SKAP2: variants seen among roughly 807,000 people sequenced by gnomAD.
SKAP2 encodes src kinase associated phosphoprotein 2.
A neutral mutation model predicts 54.9 loss-of-function variants in SKAP2; 28 were observed. The ratio of observed to expected loss-of-function variants is 0.51; its 90% CI spans 0.38 to 0.70. The LOEUF is 0.70. SKAP2 is among the 30% of genes least tolerant of loss of function. The pLI is 0.00. For synonymous variants in SKAP2, 137 were observed against 134.3 expected (o/e 1.02, Z -0.14); for missense variants, 356 against 424.1 (o/e 0.84, Z 1.41).
intron 9 of SKAP2, among the ~76,000 whole-genome samples, chr7:26,720,399 G>A (rs991364637): frequency 1.3e-5 from 2 of 152,132 alleles, no homozygotes; most frequent in Admixed American, 1.3e-4. Flanking sequence ...AGAATACTAT[G>A]AACAAATATT....
chr7:26,778,829 AATTT>A (rs1783367058), intron 4 of SKAP2, among the ~76,000 whole-genome samples: 1 of 152,016 alleles, frequency 6.6e-6, no homozygotes, highest in African/African-American at 2.4e-5. Flanking sequence ...AAGCAAAATA[AATTT>A]ATTTCCTCTC....
chr7:26,774,272 C>T (rs6461970), intron 4 of SKAP2, among the ~76,000 whole-genome samples: 44,723 of 151,880 alleles, frequency 0.29, 6,875 homozygotes, highest in Non-Finnish European at 0.33. Flanking sequence ...AAGACTGTGC[C>T]ATTGCACTCC....
the SKAP2 span, among the ~76,000 whole-genome samples, chr7:26,655,521 T>C: frequency 1.3e-5 from 2 of 152,200 alleles, no homozygotes; most frequent in African/African-American, 2.4e-5. Context: ...ACTGAGGTTG[T>C]TTTTAGATAG....
At position 26,730,099 on chromosome 7, in the gene SKAP2, T is replaced by C. The variant is rs563984989; in HGVS notation, c.470-3093A>G. On this transcript the variant is annotated intron_variant, in intron 6 of 12. Transcript: ENST00000345317. ...AGTAGCCATATCTCCAATTAGCCAA[T>C]ACAGGACAGGAAGTTCAAGACGTGA... 2.6e-5 allele frequency among the ~76,000 whole-genome samples: 4 copies of C among 152,214 alleles called. No homozygotes were observed. The East Asian group carries it at 7.7e-4, about 29-fold the overall frequency.
At chr7:26,816,268 A>T (rs1015332632) in intron 4 of SKAP2, among the ~76,000 whole-genome samples, 1 of 152,172 alleles carries the variant, frequency 6.6e-6, no homozygotes, top group Non-Finnish European at 1.5e-5. Context: ...ATTATGAAAA[A>T]ATATCAATTT....
intron 4 of SKAP2, among the ~76,000 whole-genome samples, chr7:26,836,720 T>C (rs554899838): frequency 3.3e-4 from 51 of 152,244 alleles, no homozygotes; most frequent in African/African-American, 1.0e-3. Context: ...GAAATAGGAA[T>C]GCTTTTACAC....
At chr7:26,798,046 C>G (rs1440175001) in intron 4 of SKAP2, among the ~76,000 whole-genome samples, 2 of 151,880 alleles carry the variant, frequency 1.3e-5, no homozygotes, top group Non-Finnish European at 2.9e-5. Context: ...TAACAGAGAA[C>G]TTCCAACTCC....
intron 4 of SKAP2, among the ~76,000 whole-genome samples, chr7:26,807,915 C>T (rs1242577214): frequency 6.6e-6 from 1 of 152,138 alleles, no homozygotes; most frequent in African/African-American, 2.4e-5. Context: ...AAGGTATGCA[C>T]ATTGTTTTTT....
chr7:26,751,790 C>T (rs1387397648), intron 4 of SKAP2, among the ~76,000 whole-genome samples: 1 of 151,890 alleles, frequency 6.6e-6, no homozygotes, highest in Non-Finnish European at 1.5e-5. Flanking sequence ...GCCTCCTTCT[C>T]CCCCCAAAAA....
intron 9 of SKAP2, among the ~76,000 whole-genome samples, chr7:26,696,113 G>T (rs6975813): frequency 0.21 from 32,254 of 151,984 alleles, 3,823 homozygotes; most frequent in African/African-American, 0.31. Context: ...CTCCCCAGGG[G>T]CCTATAAATC....
At chr7:26,674,106 T>C (rs1443597833) in intron 11 of SKAP2, among the ~76,000 whole-genome samples, 1 of 152,110 alleles carries the variant, frequency 6.6e-6, no homozygotes, top group East Asian at 1.9e-4. Context: ...GTACTAACCC[T>C]TTCAGAAATT....
downstream of SKAP2, among the ~76,000 whole-genome samples, chr7:26,663,348 A>T (rs1786047888): frequency 6.6e-6 from 1 of 152,052 alleles, no homozygotes; most frequent in South Asian, 2.1e-4. Context: ...CACTCTCCCC[A>T]ACCCTCAGCC....
intron 4 of SKAP2, among the ~76,000 whole-genome samples, chr7:26,761,952 A>T (rs1782941982): frequency 6.6e-6 from 1 of 152,160 alleles, no homozygotes; most frequent in Non-Finnish European, 1.5e-5. Flanking sequence ...GAATATGTAG[A>T]AGATTAGATA....
chr7:26,774,643 A>G (rs529469061), intron 4 of SKAP2, among the ~76,000 whole-genome samples: 2 of 152,278 alleles, frequency 1.3e-5, no homozygotes, highest in East Asian at 3.9e-4. Context: ...CAGAATGAAT[A>G]TGAATCATGC....
At chr7:26,706,511 AAATCAGC>A (rs1453908280) in intron 9 of SKAP2, among the ~76,000 whole-genome samples, 11 of 152,202 alleles carry the variant, frequency 7.2e-5, no homozygotes, top group Non-Finnish European at 1.0e-4. Flanking sequence ...ATTTAATATA[AAATCAGC>A]TGTCACAAAT....
intron 4 of SKAP2, among the ~76,000 whole-genome samples, chr7:26,794,520 G>A (rs1239406077): frequency 2.0e-5 from 3 of 152,358 alleles, no homozygotes; most frequent in South Asian, 2.1e-4. Flanking sequence ...GGTCATTCAG[G>A]GGAGGTTGTT....
chr7:26,804,077 G>C (rs908407913), intron 4 of SKAP2, among the ~76,000 whole-genome samples: 2 of 152,132 alleles, frequency 1.3e-5, no homozygotes, highest in Non-Finnish European at 2.9e-5. Context: ...ATAGTCAACA[G>C]TAACTTAATT....
At chr7:26,835,269 C>T (rs1274880321) in intron 4 of SKAP2, among the ~76,000 whole-genome samples, 1 of 152,142 alleles carries the variant, frequency 6.6e-6, no homozygotes. Context: ...TGGAAGCATT[C>T]CCTTTGAAAA....
At chr7:26,808,654 A>AG (rs1440865513) in intron 4 of SKAP2, among the ~76,000 whole-genome samples, 1 of 151,968 alleles carries the variant, frequency 6.6e-6, no homozygotes, top group Non-Finnish European at 1.5e-5. Flanking sequence ...AATAAAAAAA[A>AG]AGGAAGGGAC....
Sources: allele counts gnomAD v4.1 joint callset (sites outside exome capture counted in the v4.1 genomes callset), GRCh38; gene constraint gnomAD v4.1.1; transcripts MANE v1.5; gene names NCBI Gene and HGNC (gene_info 2026-07-23, HGNC 2026-07-21).